The following WWOX variants were observed in gnomAD, a reference collection of about 807,000 sequenced individuals.
WWOX encodes the protein WW domain-containing oxidoreductase.
In WWOX, 69 loss-of-function variants were observed where a neutral mutation model predicts 46.2. The ratio of observed to expected loss-of-function variants is 1.49; its 90% confidence interval spans 1.23 to 1.82. The LOEUF (loss-of-function observed/expected upper bound fraction) is 1.82. Ranked by LOEUF, WWOX falls within the 40% of genes most tolerant of loss-of-function variation. WWOX has a pLI of 0.00. For missense variants in WWOX, 919 were observed against 542.6 expected (o/e 1.69, Z -6.89); for synonymous variants, 359 against 202.6 (o/e 1.77, Z -6.56).
chr16:78,905,971 C>T (rs1175036553), intron 8 of WWOX, among the ~76,000 whole-genome samples: 1 of 152,196 alleles, frequency 6.6e-6, no homozygotes, highest in African/African-American at 2.4e-5. Context: ...GGAGAAGTAG[C>T]TGCATGCTTG....
chr16:78,233,174 T>C (rs1293263735), intron 5 of WWOX, among the ~76,000 whole-genome samples: 1 of 152,208 alleles, frequency 6.6e-6, no homozygotes, highest in Non-Finnish European at 1.5e-5. Flanking sequence ...TTTTCATATA[T>C]CTGAAATGTT....
intron 8 of WWOX, among the ~76,000 whole-genome samples, chr16:78,842,364 T>G (rs1370089957): frequency 6.6e-6 from 1 of 151,398 alleles, no homozygotes; most frequent in Non-Finnish European, 1.5e-5. Context: ...TTAGCTGGGC[T>G]TGGTGGTGCA....
intron 8 of WWOX, among the ~76,000 whole-genome samples, chr16:79,166,569 A>G (rs1038545343): frequency 5.9e-5 from 9 of 152,130 alleles, no homozygotes; most frequent in East Asian, 3.9e-4. Context: ...GTAGCTAACA[A>G]TTGAATTGAC....
chr16:78,781,263 A>G (rs564323124), intron 8 of WWOX, among the ~76,000 whole-genome samples: 51 of 152,284 alleles, frequency 3.3e-4, no homozygotes, highest in African/African-American at 1.2e-3. Flanking sequence ...GCACTCAGCT[A>G]TAAATAGAGC....
At chr16:78,669,286 C>A (rs912587349) in intron 8 of WWOX, among the ~76,000 whole-genome samples, 12 of 152,194 alleles carry the variant, frequency 7.9e-5, no homozygotes, top group Non-Finnish European at 1.3e-4. Flanking sequence ...AGTGCCTAAG[C>A]AATTGGTGGG....
chr16:78,950,855 C>G (rs1052580180), intron 8 of WWOX, among the ~76,000 whole-genome samples: 2 of 152,130 alleles, frequency 1.3e-5, no homozygotes, highest in Non-Finnish European at 1.5e-5. Context: ...CTCTGATTGT[C>G]TCTTCTTATT....
chr16:78,414,655 T>A (rs963935743), intron 6 of WWOX, among the ~76,000 whole-genome samples: 1 of 152,214 alleles, frequency 6.6e-6, no homozygotes, highest in Non-Finnish European at 1.5e-5. Flanking sequence ...TCTGCATGAA[T>A]AATTGAGAAA....
chr16:78,770,431 A>G (rs4331346), intron 8 of WWOX, among the ~76,000 whole-genome samples: 1 of 152,204 alleles, frequency 6.6e-6, no homozygotes, highest in South Asian at 2.1e-4. Flanking sequence ...ATGGGGCAGT[A>G]CACCCAGGAA....
intron 8 of WWOX, among the ~76,000 whole-genome samples, chr16:78,506,728 T>TTTTTTTTTTTTG (rs1330915138): frequency 7.5e-5 from 7 of 93,632 alleles, no homozygotes; most frequent in South Asian, 3.3e-4. Context: ...TTTTTTTTTT[T>TTTTTTTTTTTTG]GTACAGAGTC....
intron 8 of WWOX, among the ~76,000 whole-genome samples, chr16:79,017,989 A>C (rs1354779257): frequency 1.3e-5 from 2 of 152,222 alleles, no homozygotes; most frequent in East Asian, 3.8e-4. Flanking sequence ...ACAGTATCCA[A>C]AAAGGTTATG....
intron 8 of WWOX, among the ~76,000 whole-genome samples, chr16:78,497,218 C>T (rs1196250737): frequency 9.6e-6 from 1 of 104,464 alleles, no homozygotes; most frequent in East Asian, 3.2e-4. Context: ...CAAATGATTC[C>T]ACAGCACATA....
chr16:78,541,113 T>C (rs1265316842), intron 8 of WWOX, among the ~76,000 whole-genome samples: 1 of 152,170 alleles, frequency 6.6e-6, no homozygotes, highest in Non-Finnish European at 1.5e-5. Context: ...AGACCTGACA[T>C]TTATTTTAAA....
intron 5 of WWOX, among the ~76,000 whole-genome samples, chr16:78,381,067 C>T (rs2081945652): frequency 1.3e-5 from 2 of 152,280 alleles, no homozygotes; most frequent in South Asian, 4.1e-4. Context: ...GTTGCCAGTG[C>T]ATTGGACATA....
chr16:78,792,607 T>G lies in WWOX; in HGVS notation c.1056+359855T>G, dbSNP rs117567667. 3.9e-3 allele frequency among the ~76,000 whole-genome samples: 592 copies of G among 152,272 alleles called. 6 individuals are homozygous for G. Among genetic ancestry groups the G allele is most frequent in the East Asian group, 0.03 (156 of 5,164 alleles). The stretch of plus-strand genomic sequence containing the variant: ...ACTGGCTTGGATTGATTTTGATTCA[T>G]TGCTCTGTCGCCCAAACAGAATTAT... On this transcript the variant is annotated intron_variant, in intron 8 of 8. Coordinates refer to ENST00000566780, the MANE Select transcript of WWOX (RefSeq NM_016373.4).
chr16:78,634,269 C>T (rs1279024221), intron 8 of WWOX, among the ~76,000 whole-genome samples: 1 of 152,144 alleles, frequency 6.6e-6, no homozygotes, highest in Non-Finnish European at 1.5e-5. Flanking sequence ...ACAAGTATCT[C>T]ATTATAAATG....
intron 5 of WWOX, among the ~76,000 whole-genome samples, chr16:78,336,580 A>G (rs2080894206): frequency 6.6e-6 from 1 of 151,730 alleles, no homozygotes; most frequent in Non-Finnish European, 1.5e-5. Context: ...GTGGAAGACA[A>G]TAGGGAGTGT....
chr16:78,710,505 T>TATATATATATATATATATATATATATAA (rs1567507599), intron 8 of WWOX, among the ~76,000 whole-genome samples: 2 of 140,026 alleles, frequency 1.4e-5, no homozygotes, highest in South Asian at 2.2e-4. Context: ...TATATTTATA[T>TATATATATATATATATATATATATATAA]AAATATATTT....
At chr16:78,649,269 G>C (rs1284813376) in intron 8 of WWOX, among the ~76,000 whole-genome samples, 2 of 152,142 alleles carry the variant, frequency 1.3e-5, no homozygotes, top group Non-Finnish European at 2.9e-5. Context: ...ACAGGCGTGA[G>C]CCACCGTGAC....
chr16:78,188,436 T>C (rs4888760), intron 5 of WWOX, among the ~76,000 whole-genome samples: 92,438 of 148,978 alleles, frequency 0.62, 28,685 homozygotes, highest in African/African-American at 0.69. Context: ...TGCAGTGAGC[T>C]GGGATTGTGC....
Sources: gnomAD v4.1 joint callset for allele counts (sites outside exome capture counted in the v4.1 genomes callset) on GRCh38, gnomAD v4.1.1 for gene constraint, MANE v1.5 for transcripts, NCBI Gene and HGNC (gene_info 2026-07-23, HGNC 2026-07-21) for gene names.